STK10: variants seen among roughly 807,000 people sequenced by gnomAD.
The protein encoded by STK10 is serine/threonine kinase 10.
Under a neutral mutation model 113.8 loss-of-function variants are expected in STK10, and 78 were observed. The ratio of observed to expected loss-of-function variants is 0.69; its 90% CI spans 0.57 to 0.83. The LOEUF (loss-of-function observed/expected upper bound fraction) is 0.83. Among genes scored for constraint, STK10 ranks in the 40% least tolerant of loss-of-function variants. The pLI, the probability that STK10 is intolerant of heterozygous loss-of-function variation, is 0.00. For missense variants in STK10, 1,109 were observed against 1,280.1 expected (o/e 0.87, Z 2.04); for synonymous variants, 465 against 494.7 (o/e 0.94, Z 0.80).
At chr5:172,118,860 CAG>C (rs1769442689) in intron 3 of STK10, among the ~76,000 whole-genome samples, 2 of 127,244 alleles carry the variant, frequency 1.6e-5, no homozygotes, top group South Asian at 4.8e-4. Context: ...GCCTGGGTGA[CAG>C]AGCGAGACTC....
chr5:172,059,189 G>C (rs1036046461), intron 14 of STK10, among the ~76,000 whole-genome samples: 1 of 152,182 alleles, frequency 6.6e-6, no homozygotes, highest in Non-Finnish European at 1.5e-5. Context: ...GGGAGGCCAA[G>C]GCAGGTGGAT....
chr5:172,123,855 T>C (rs998758669), intron 3 of STK10, among the ~76,000 whole-genome samples: 12 of 152,078 alleles, frequency 7.9e-5, no homozygotes, highest in African/African-American at 2.7e-4. Context: ...AAAACCAGCA[T>C]GAGAATGGGG....
Position 172,188,132 on chromosome 5 carries a change from G to A in STK10, c.-90C>T. 1.3e-6 allele frequency: 2 copies of A among 1,516,172 alleles called. No individual in the cohort carries two copies. Among genetic ancestry groups the A allele is most frequent in the Non-Finnish European group, 1.8e-6 (2 of 1,131,242 alleles). The allele number at this position is 1,516,172 out of a possible 1,614,324, so 93.9% of individuals were successfully genotyped here. On this transcript the variant is annotated 5_prime_UTR_variant, in exon 1 of 19. Transcript: ENST00000176763. This position sits in a 1 kb window ranked among gnomAD's most constrained non-coding sequence, Gnocchi z 5.6. ...GCGAGGAGAAGGAGGAGGAGTTGGAGGACGCCGCGTCTCTCGGGGTTCTCC... is the reference window on the plus strand; with the variant it reads ...GCGAGGAGAAGGAGGAGGAGTTGGAAGACGCCGCGTCTCTCGGGGTTCTCC...
intron 2 of STK10, among the ~76,000 whole-genome samples, chr5:172,155,446 C>T (rs1328879081): frequency 4.0e-5 from 6 of 149,252 alleles, no homozygotes; most frequent in Admixed American, 1.3e-4. Context: ...TGCAGTCAGC[C>T]GAGATCGTGC....
intron 1 of STK10, among the ~76,000 whole-genome samples, chr5:172,176,062 T>A (rs1770753094): frequency 1.3e-5 from 2 of 152,238 alleles, no homozygotes; most frequent in Admixed American, 1.3e-4. Flanking sequence ...AACACTTACA[T>A]GACTTCTTCC....
intron 1 of STK10, among the ~76,000 whole-genome samples, chr5:172,185,969 G>A (rs1055778139): frequency 6.6e-6 from 1 of 152,112 alleles, no homozygotes; most frequent in Admixed American, 6.6e-5. Flanking sequence ...AGGGGAGGTG[G>A]CAAGGAAACA....
At chr5:172,067,687 G>A (rs1419360964) in intron 12 of STK10, among the ~76,000 whole-genome samples, 3 of 151,842 alleles carry the variant, frequency 2.0e-5, no homozygotes, top group South Asian at 4.1e-4. Flanking sequence ...TACAATGTCT[G>A]AAATTAAAAT....
chr5:172,083,210 T>C (rs1043486536), intron 10 of STK10, 126 bp from the exon 11 acceptor site: 25 of 1,179,234 alleles, frequency 2.1e-5, no homozygotes, highest in Admixed American at 7.5e-5. Flanking sequence ...GGCACAGGCA[T>C]GACTAGAACT....
intron 2 of STK10, among the ~76,000 whole-genome samples, chr5:172,134,745 CAAAAA>C (rs33933488): frequency 7.6e-6 from 1 of 132,268 alleles, no homozygotes; most frequent in African/African-American, 2.9e-5. Context: ...CTCATATTTA[CAAAAA>C]AAAAAAAAAG....
At chr5:172,131,515 T>G (rs980501357) in intron 2 of STK10, among the ~76,000 whole-genome samples, 2 of 152,226 alleles carry the variant, frequency 1.3e-5, no homozygotes, top group Non-Finnish European at 2.9e-5. Context: ...CTTCTTTAGT[T>G]CAAGAGCTCC....
At position 172,187,408 on chromosome 5, in the gene STK10, G is replaced by A. The variant is rs1026328752; in HGVS notation, c.156+479C>T. Among the ~76,000 whole-genome samples the A allele has an allele frequency of 6.6e-6, 1 of 151,834 alleles. No individual in the cohort carries two copies. Among genetic ancestry groups the A allele is most frequent in the Non-Finnish European group, 1.5e-5 (1 of 67,992 alleles). ...CCCTGTCTCTGGCTCATCTTCAGAT[G>A]TGTCCCTAGCTCCCAACCCGTCCAA... On this transcript the variant is annotated intron_variant, in intron 1 of 18. Transcript: ENST00000176763. This position sits in a 1 kb window ranked among gnomAD's most constrained non-coding sequence, Gnocchi z 4.6.
At chr5:172,150,391 GA>G (rs1460590327) in intron 2 of STK10, among the ~76,000 whole-genome samples, 1 of 151,002 alleles carries the variant, frequency 6.6e-6, no homozygotes, top group Non-Finnish European at 1.5e-5. Flanking sequence ...TGAGGCAGGA[GA>G]ATCGCTTGAA....
chr5:172,061,327 T>C, intron 13 of STK10, 59 bp from the exon 14 acceptor site: 1 of 1,536,040 alleles, frequency 6.5e-7, no homozygotes, highest in Non-Finnish European at 8.7e-7. Context: ...CCTCCATGTC[T>C]CTTCCTATTA....
intron 13 of STK10, among the ~76,000 whole-genome samples, chr5:172,063,961 G>A (rs761441944): frequency 1.2e-4 from 19 of 152,200 alleles, no homozygotes; most frequent in Non-Finnish European, 2.5e-4. Context: ...GAAGGCTGGG[G>A]AGGCCGGCCA....
chr5:172,082,515 G>A lies in STK10; in HGVS notation c.1810-10C>T, dbSNP rs776178902. On this transcript the variant is annotated splice_polypyrimidine_tract_variant and intron_variant, in intron 11 of 18. Coordinates refer to ENST00000176763, the MANE Select transcript of STK10 (RefSeq NM_005990.4). The surrounding 1 kb of genome is among the most constrained non-coding windows in gnomAD (Gnocchi z 4.3). ...AGAACTTCTTCTTGGCCTGAAAGGA[G>A]CAGAAATTCTGAGAAACTTAGCGAA... 1.3e-6 allele frequency: 2 copies of A among 1,566,092 alleles called. No homozygotes were observed. Among genetic ancestry groups the A allele is most frequent in the Non-Finnish European group, 1.7e-6 (2 of 1,159,274 alleles).
At chr5:172,177,610 T>C (rs573629082) in intron 1 of STK10, among the ~76,000 whole-genome samples, 130 of 152,316 alleles carry the variant, frequency 8.5e-4, no homozygotes, top group African/African-American at 2.7e-3. Flanking sequence ...CCCACCAATT[T>C]CAAAGACTTC....
intron 12 of STK10, among the ~76,000 whole-genome samples, chr5:172,065,292 C>CT (rs535856789): frequency 0.27 from 33,724 of 123,118 alleles, 5,115 homozygotes; most frequent in East Asian, 0.35. Flanking sequence ...TGAAAATGCA[C>CT]TTTTTTTTTT....
At chr5:172,137,866 TG>T (rs2113798130) in intron 2 of STK10, among the ~76,000 whole-genome samples, 1 of 134,286 alleles carries the variant, frequency 7.4e-6, no homozygotes, top group African/African-American at 3.0e-5. Context: ...TACTCCAGCC[TG>T]GACGACAGAG....
chr5:172,052,963 T>G lies in STK10; in HGVS notation c.2732A>C (p.Lys911Thr). The G allele has an allele frequency of 1.2e-6, 2 of 1,614,242 alleles. No individual in the cohort carries two copies. Among genetic ancestry groups the G allele is most frequent in the Non-Finnish European group, 1.7e-6 (2 of 1,180,046 alleles). Residue 911 changes from lysine (K) to threonine (T), a missense_variant, in exon 18 of 19, where the codon AAG (lysine) becomes ACG (threonine). Lys to Thr is a moderately conservative substitution (Grantham distance 78). This residue lies in a region of STK10 where 885 missense variants were observed against 991.1 expected (regional missense o/e 0.89). Coordinates refer to ENST00000176763, the MANE Select transcript of STK10 (RefSeq NM_005990.4). ...CGGCCGAAGCTTGTCCCGCCATTCCTTCAGGTTCTGGTTATGGCTCTCATC... is the reference window on the plus strand; with the variant it reads ...CGGCCGAAGCTTGTCCCGCCATTCCGTCAGGTTCTGGTTATGGCTCTCATC... Reference protein sequence around the residue: ...ALDESHNQNLKEWRDKLRPRK... With the variant: ...ALDESHNQNLTEWRDKLRPRK...
Sources: gnomAD v4.1 joint callset for allele counts (sites outside exome capture counted in the v4.1 genomes callset) on GRCh38, gnomAD v4.1.1 for gene constraint, gnomAD v4.1.1 regional missense constraint, Gnocchi (gnomAD v3.1) non-coding constraint, MANE v1.5 for transcripts, NCBI Gene and HGNC (gene_info 2026-07-23, HGNC 2026-07-21) for gene names.